Variants in PDZRN3 observed in about 807,000 individuals in gnomAD.
The protein encoded by PDZRN3 is PDZ domain containing ring finger 3.
In PDZRN3, 38 loss-of-function variants were observed where a neutral mutation model predicts 85.7. The observed-to-expected ratio is 0.44, with a 90% CI of 0.34 to 0.58. PDZRN3 has a LOEUF of 0.58. PDZRN3 is among the 20% of genes least tolerant of loss of function. The pLI, the probability that PDZRN3 is intolerant of heterozygous loss-of-function variation, is 0.01. For synonymous variants in PDZRN3, 759 were observed against 638.0 expected (o/e 1.19, Z -2.86); for missense variants, 1,629 against 1,506.4 (o/e 1.08, Z -1.35).
chr3:73,608,532 C>G, intron 2 of PDZRN3, 66 bp downstream of exon 2: 1 of 1,106,712 alleles, frequency 9.0e-7, no homozygotes, highest in Non-Finnish European at 1.4e-6. Context: ...CTGTCCCCTT[C>G]AAACCTTGAC....
rs1478600819 is a variant in PDZRN3 at position 73,382,637 on chromosome 3, C to T, written c.*728G>A. The T allele has an allele frequency of 1.3e-5, 2 of 152,638 alleles. No individual in the cohort carries two copies. The highest frequency in any genetic ancestry group is 1.5e-5 in the Non-Finnish European group (1 of 68,046). The allele number at this position is 152,638 out of a possible 1,614,324, so 9.5% of individuals were successfully genotyped here. A position where few individuals can be genotyped will look rare whatever the true frequency, so the allele number is the denominator to read the frequency against. On this transcript the variant is annotated 3_prime_UTR_variant, in exon 10 of 10. Transcript: ENST00000263666. ...CAATGAGCACTTAAAATTCCACAAA[C>T]CGTCTCCATCCACAACTTTCCTGTA...
chr3:73,563,013 A>ATAT (rs1187151191), intron 3 of PDZRN3, among the ~76,000 whole-genome samples: 6 of 43,766 alleles, frequency 1.4e-4, no homozygotes, highest in African/African-American at 5.1e-4. Context: ...ATATATATAT[A>ATAT]TTTTTTTTTT....
At chr3:73,431,371 C>G (rs1449817258) in intron 3 of PDZRN3, among the ~76,000 whole-genome samples, 1 of 152,176 alleles carries the variant, frequency 6.6e-6, no homozygotes, top group African/African-American at 2.4e-5. Context: ...AAGAGCATCT[C>G]TTTGAATTAT....
intron 3 of PDZRN3, among the ~76,000 whole-genome samples, chr3:73,441,839 G>C (rs536075374): frequency 6.6e-6 from 1 of 152,188 alleles, no homozygotes; most frequent in African/African-American, 2.4e-5. Context: ...TCAACATACA[G>C]AGTCTGTAAA....
At chr3:73,517,416 C>T (rs1352601773) in intron 3 of PDZRN3, among the ~76,000 whole-genome samples, 1 of 152,150 alleles carries the variant, frequency 6.6e-6, no homozygotes, top group Admixed American at 6.5e-5. Context: ...CAAAACATTG[C>T]ATAATTATCG....
At chr3:73,498,806 A>G (rs906147098) in intron 3 of PDZRN3, among the ~76,000 whole-genome samples, 1 of 152,036 alleles carries the variant, frequency 6.6e-6, no homozygotes, top group African/African-American at 2.4e-5. Flanking sequence ...CTGGTTCTCG[A>G]ACTCCTGACT....
chr3:73,458,021 C>T (rs1418509466), intron 3 of PDZRN3, among the ~76,000 whole-genome samples: 2 of 152,184 alleles, frequency 1.3e-5, no homozygotes, highest in Non-Finnish European at 2.9e-5. Context: ...AGCAGTTCTA[C>T]CAGGGAAACT....
chr3:73,555,916 T>G (rs1175191097), intron 3 of PDZRN3, among the ~76,000 whole-genome samples: 1 of 152,186 alleles, frequency 6.6e-6, no homozygotes, highest in Admixed American at 6.5e-5. Context: ...CAATTGTAAC[T>G]CCAGTACTTA....
At chr3:73,490,649 T>C (rs1703752844) in intron 3 of PDZRN3, among the ~76,000 whole-genome samples, 1 of 152,216 alleles carries the variant, frequency 6.6e-6, no homozygotes, top group African/African-American at 2.4e-5. Context: ...TCTTTACTGC[T>C]GAATCAGCAC....
chr3:73,526,465 C>A (rs1275614639), intron 3 of PDZRN3, among the ~76,000 whole-genome samples: 3 of 152,182 alleles, frequency 2.0e-5, no homozygotes, highest in African/African-American at 7.2e-5. Flanking sequence ...AAACTCAGAA[C>A]ATTATCTCCA....
intron 3 of PDZRN3, among the ~76,000 whole-genome samples, chr3:73,475,654 G>A (rs1703435225): frequency 6.6e-6 from 1 of 152,204 alleles, no homozygotes; most frequent in Non-Finnish European, 1.5e-5. Context: ...ACTCAGATGG[G>A]TGATTGAATA....
At chr3:73,428,532 A>G (rs1033720774) in intron 3 of PDZRN3, among the ~76,000 whole-genome samples, 2 of 152,152 alleles carry the variant, frequency 1.3e-5, no homozygotes, top group Non-Finnish European at 2.9e-5. Flanking sequence ...ATATATATGG[A>G]AACAAGGTGG....
At chr3:73,438,304 C>T (rs181580950) in intron 3 of PDZRN3, among the ~76,000 whole-genome samples, 2 of 152,344 alleles carry the variant, frequency 1.3e-5, no homozygotes, top group East Asian at 3.9e-4. Context: ...GTGCTACAGA[C>T]AGTCAGCAGA....
intron 8 of PDZRN3, among the ~76,000 whole-genome samples, chr3:73,387,694 G>A (rs1701426052): frequency 6.6e-6 from 1 of 152,144 alleles, no homozygotes. Context: ...CCCCGGTTGT[G>A]TTTTCCATTC....
At chr3:73,601,029 A>T (rs1479046504) in intron 3 of PDZRN3, among the ~76,000 whole-genome samples, 1 of 152,214 alleles carries the variant, frequency 6.6e-6, no homozygotes, top group Non-Finnish European at 1.5e-5. Context: ...GTATCATTTT[A>T]GCATGTAAGT....
chr3:73,528,101 T>G (rs796535722), intron 3 of PDZRN3, among the ~76,000 whole-genome samples: 35 of 152,342 alleles, frequency 2.3e-4, no homozygotes, highest in African/African-American at 7.5e-4. Flanking sequence ...GGTCAAGGGC[T>G]GCTCCCCCAG....
At chr3:73,385,050 C>G (rs946522183) in intron 9 of PDZRN3, 120 bp from the exon 10 acceptor site, 1 of 1,134,072 alleles carries the variant, frequency 8.8e-7, no homozygotes, top group Admixed American at 2.6e-5. Flanking sequence ...GGCCAAGGGA[C>G]AGCATCTGAC....
chr3:73,512,083 C>A (rs1412102131), intron 3 of PDZRN3, among the ~76,000 whole-genome samples: 1 of 152,230 alleles, frequency 6.6e-6, no homozygotes, highest in Admixed American at 6.5e-5. Context: ...GCTCAGCATA[C>A]ACACACCTAG....
intron 3 of PDZRN3, among the ~76,000 whole-genome samples, chr3:73,571,410 T>C (rs935032958): frequency 5.9e-5 from 9 of 152,218 alleles, no homozygotes; most frequent in African/African-American, 2.2e-4. Context: ...GTCAATGTCC[T>C]TTTATTTCAG....
Sources: gnomAD v4.1 joint callset for allele counts (sites outside exome capture counted in the v4.1 genomes callset) on GRCh38, gnomAD v4.1.1 for gene constraint, MANE v1.5 for transcripts, NCBI Gene and HGNC (gene_info 2026-07-23, HGNC 2026-07-21) for gene names.